The following MTSS1 variants were observed in gnomAD, a reference collection of about 807,000 sequenced individuals.
The protein encoded by MTSS1 is MTSS I-BAR domain containing 1.
MTSS1 carries 18 observed loss-of-function variants against 79.0 expected under a neutral mutation model. That is an observed-to-expected ratio of 0.23 (90% CI 0.16 to 0.34). The LOEUF is 0.34. MTSS1 is among the 10% of genes least tolerant of loss of function. MTSS1 has a pLI of 1.00. For missense variants in MTSS1, 815 were observed against 986.2 expected (o/e 0.83, Z 2.33); for synonymous variants, 341 against 368.6 (o/e 0.93, Z 0.86).
rs575299944 is a variant in MTSS1 at position 124,664,248 on chromosome 8, A to T, written c.208+35278T>A. ...ACCACAGGCGTAAGTTCAACCTGTC[A>T]TCATGGGGCAGCCAAGCCAATGGCC... On this transcript the variant is annotated intron_variant, in intron 3 of 13. Coordinates refer to ENST00000518547, the MANE Select transcript of MTSS1 (RefSeq NM_014751.6). 8.3e-4 allele frequency among the ~76,000 whole-genome samples: 126 copies of T among 152,278 alleles called. 1 individual carries two copies. In the South Asian group the frequency reaches 0.01, roughly 13 times the overall value.
chr8:124,723,359 A>G (rs543884769), intron 1 of MTSS1, among the ~76,000 whole-genome samples: 66 of 152,342 alleles, frequency 4.3e-4, no homozygotes, highest in African/African-American at 1.6e-3. Context: ...ATCCAAACTC[A>G]GCTTACCTTC....
chr8:124,616,027 G>C (rs1039143077), intron 3 of MTSS1, among the ~76,000 whole-genome samples: 3 of 152,186 alleles, frequency 2.0e-5, no homozygotes, highest in Non-Finnish European at 4.4e-5. Context: ...GCCACCATCA[G>C]TGGTGACACC....
At chr8:124,626,506 A>C (rs1814697310) in intron 3 of MTSS1, among the ~76,000 whole-genome samples, 1 of 152,124 alleles carries the variant, frequency 6.6e-6, no homozygotes, top group African/African-American at 2.4e-5. Flanking sequence ...ATGATCCTAT[A>C]GTCAAAGTAG....
At chr8:124,661,892 T>C (rs948396094) in intron 3 of MTSS1, among the ~76,000 whole-genome samples, 7 of 152,212 alleles carry the variant, frequency 4.6e-5, no homozygotes, top group Non-Finnish European at 7.3e-5. Context: ...ATTTGTAAAG[T>C]ATGAGGGCCA....
chr8:124,707,028 T>C (rs1255556273), intron 1 of MTSS1, among the ~76,000 whole-genome samples: 2 of 150,694 alleles, frequency 1.3e-5, no homozygotes, highest in African/African-American at 4.8e-5. Flanking sequence ...AGCAGCTTCG[T>C]CCGACCATTC....
At chr8:124,654,913 G>A (rs1820658164) in intron 3 of MTSS1, among the ~76,000 whole-genome samples, 1 of 152,206 alleles carries the variant, frequency 6.6e-6, no homozygotes, top group Admixed American at 6.5e-5. Flanking sequence ...AAGTTAGAAA[G>A]TAACACAATA....
chr8:124,655,874 A>G (rs73343967), intron 3 of MTSS1, among the ~76,000 whole-genome samples: 3,036 of 152,306 alleles, frequency 0.02, 95 homozygotes, highest in African/African-American at 0.07. Flanking sequence ...TAGTAAAGTA[A>G]AGAGTGTGTT....
chr8:124,701,247 A>G (rs944244707), intron 2 of MTSS1, among the ~76,000 whole-genome samples: 7 of 152,168 alleles, frequency 4.6e-5, no homozygotes, highest in Non-Finnish European at 1.0e-4. Context: ...AAAAAGAAAG[A>G]GAAAAGAAAA....
At chr8:124,706,910 T>G (rs1830457865) in intron 1 of MTSS1, among the ~76,000 whole-genome samples, 2 of 152,000 alleles carry the variant, frequency 1.3e-5, no homozygotes, top group African/African-American at 4.8e-5. Context: ...TACATCCAAT[T>G]AAAGAGATGA....
At chr8:124,672,485 C>T (rs893063824) in intron 3 of MTSS1, among the ~76,000 whole-genome samples, 1 of 149,698 alleles carries the variant, frequency 6.7e-6, no homozygotes, top group African/African-American at 2.5e-5. Flanking sequence ...CAGAGCAAGA[C>T]TCTGCCTCAA....
In MTSS1 at chr8:124,727,449, C is replaced by A. The variant is rs1408190217; in HGVS notation, c.72+435G>T. 7.1e-6 allele frequency: 3 copies of A among 421,046 alleles called. No individual in the cohort carries two copies. The highest frequency in any genetic ancestry group is 1.4e-5 in the Non-Finnish European group (3 of 210,846). 26.1% of individuals were successfully genotyped at this position (421,046 alleles called of 1,614,324 possible). ...AGGCTAGGGGACTCCTTCCTGCGAG[C>A]GGGCAGAGCCCCCACTTCCTCCCCA... On this transcript the variant is annotated intron_variant, in intron 1 of 13. Transcript: ENST00000518547. This position sits in a 1 kb window ranked among gnomAD's most constrained non-coding sequence, Gnocchi z 4.7.
At chr8:124,720,070 G>T (rs922098399) in intron 1 of MTSS1, among the ~76,000 whole-genome samples, 3 of 152,224 alleles carry the variant, frequency 2.0e-5, no homozygotes, top group Non-Finnish European at 4.4e-5. Context: ...TGGCTTTAGG[G>T]TTATCGAGCT....
intron 3 of MTSS1, among the ~76,000 whole-genome samples, chr8:124,642,442 T>C (rs561513139): frequency 6.6e-6 from 1 of 152,326 alleles, no homozygotes; most frequent in Admixed American, 6.5e-5. Flanking sequence ...CCCATCTTCC[T>C]GCCAATCACC....
chr8:124,589,581 C>G (rs1563808651), intron 5 of MTSS1, 39 bp downstream of exon 5: 3 of 1,516,016 alleles, frequency 2.0e-6, no homozygotes, highest in Admixed American at 3.8e-5. Flanking sequence ...ACAGCGCCCC[C>G]CAGCGTGCAG....
At chr8:124,583,721 C>G (rs1349432266) in intron 6 of MTSS1, among the ~76,000 whole-genome samples, 1 of 152,172 alleles carries the variant, frequency 6.6e-6, no homozygotes, top group Non-Finnish European at 1.5e-5. Context: ...CCCAGGAATC[C>G]TTCCTCTCTC....
intron 3 of MTSS1, among the ~76,000 whole-genome samples, chr8:124,628,212 G>C (rs983148180): frequency 2.0e-5 from 3 of 152,162 alleles, no homozygotes; most frequent in African/African-American, 7.2e-5. Context: ...GAAAAGTACA[G>C]AGCAGGTCAG....
At chr8:124,700,310 G>A (rs1829534332) in intron 2 of MTSS1, among the ~76,000 whole-genome samples, 1 of 152,164 alleles carries the variant, frequency 6.6e-6, no homozygotes, top group Non-Finnish European at 1.5e-5. Context: ...TCAGTTGGGG[G>A]AAGGAATCTG....
At chr8:124,585,418 A>C (rs1587001404) in intron 5 of MTSS1, among the ~76,000 whole-genome samples, 1 of 130,866 alleles carries the variant, frequency 7.6e-6, no homozygotes, top group Admixed American at 7.7e-5. Context: ...GTTTGGGAAT[A>C]CTTTTTTTTT....
At chr8:124,613,246 C>T (rs940794426) in intron 3 of MTSS1, among the ~76,000 whole-genome samples, 11 of 152,178 alleles carry the variant, frequency 7.2e-5, no homozygotes. Context: ...AATGGTATAA[C>T]CTTGGGTGAC....
Sources: allele counts gnomAD v4.1 joint callset (sites outside exome capture counted in the v4.1 genomes callset), GRCh38; gene constraint gnomAD v4.1.1; non-coding constraint Gnocchi (gnomAD v3.1); transcripts MANE v1.5; gene names NCBI Gene and HGNC (gene_info 2026-07-23, HGNC 2026-07-21).